SYNE1: variants seen among roughly 807,000 people sequenced by gnomAD.
SYNE1 encodes nesprin-1.
Under a neutral mutation model 1,111.0 loss-of-function variants are expected in SYNE1, and 616 were observed. That is an observed-to-expected ratio of 0.55 (90% confidence interval 0.52 to 0.59). The LOEUF (loss-of-function observed/expected upper bound fraction) is 0.59, where lower values mean the gene tolerates loss of function less well. SYNE1 is among the 20% of genes least tolerant of loss of function. SYNE1 has a pLI of 0.00. For missense variants in SYNE1, 10,006 were observed against 10,417.0 expected (o/e 0.96, Z 1.72); for synonymous variants, 3,855 against 3,825.8 (o/e 1.01, Z -0.28).
intron 76 of SYNE1, among the ~76,000 whole-genome samples, chr6:152,334,800 C>A (rs1326445108): frequency 6.6e-6 from 1 of 152,136 alleles, no homozygotes; most frequent in Admixed American, 6.5e-5. Context: ...ACTAAGAATG[C>A]CTAACTTTCT....
At position 152,254,779 on chromosome 6, in the gene SYNE1, A is replaced by G. The variant is rs1172036048; in HGVS notation, c.19470+101T>C. The G allele has an allele frequency of 5.7e-6, 6 of 1,054,708 alleles. No homozygotes were observed. In the East Asian group the frequency reaches 1.5e-4, roughly 27 times the overall value. 65.3% of individuals were successfully genotyped at this position (1,054,708 alleles called of 1,614,324 possible). ...ACAATGCTCTTGTTCTTCATTACGC[A>G]TTTAGAAAAACAACAACCAGGTCTG... On this transcript the variant is annotated intron_variant, in intron 104 of 145. Transcript: ENST00000367255.
chr6:152,516,557 A>G (rs1408963586), intron 6 of SYNE1, among the ~76,000 whole-genome samples: 1 of 152,140 alleles, frequency 6.6e-6, no homozygotes, highest in Admixed American at 6.6e-5. Context: ...TGGGAGAATG[A>G]ATGACCTGAA....
intron 3 of SYNE1, among the ~76,000 whole-genome samples, chr6:152,596,270 G>GTTTT (rs35952199): frequency 3.4e-5 from 3 of 89,156 alleles, no homozygotes; most frequent in Non-Finnish European, 7.2e-5. Flanking sequence ...TTGTTTGTTT[G>GTTTT]TTTTTTTTTT....
At chr6:152,351,866 T>C (rs2096746930) in intron 70 of SYNE1, among the ~76,000 whole-genome samples, 161 bp downstream of exon 70, 1 of 152,190 alleles carries the variant, frequency 6.6e-6, no homozygotes, top group Admixed American at 6.5e-5. Context: ...TTTAACCCAA[T>C]AAATCTCCAT....
At chr6:152,367,695 T>C (rs894819450) in intron 61 of SYNE1, 2 of 372,162 alleles carry the variant, frequency 5.4e-6, no homozygotes, top group African/African-American at 2.1e-5. Context: ...AAGTAGTTTC[T>C]AGTTTTCACA....
At chr6:152,627,943 GTAT>G (rs963810739) in intron 3 of SYNE1, among the ~76,000 whole-genome samples, 1 of 144,892 alleles carries the variant, frequency 6.9e-6, no homozygotes, top group African/African-American at 2.6e-5. Context: ...ATTGTCACTG[GTAT>G]TATTGAACAA....
chr6:152,509,423 A>T (rs2099074273), intron 8 of SYNE1, among the ~76,000 whole-genome samples: 2 of 151,650 alleles, frequency 1.3e-5, no homozygotes, highest in African/African-American at 4.8e-5. Flanking sequence ...CGCCCAGCTA[A>T]TTTTTGTACT....
chr6:152,299,693 T>G (rs2095069315), intron 93 of SYNE1, among the ~76,000 whole-genome samples: 1 of 152,152 alleles, frequency 6.6e-6, no homozygotes, highest in South Asian at 2.1e-4. Flanking sequence ...GTTCCTTTTT[T>G]TTTTTAATGA....
intron 121 of SYNE1, among the ~76,000 whole-genome samples, chr6:152,216,848 G>A (rs1340784918): frequency 6.6e-6 from 1 of 152,122 alleles, no homozygotes. Flanking sequence ...AAGGTCAGGA[G>A]TTCGAGACCA....
chr6:152,280,009 G>T (rs971986322), intron 97 of SYNE1, among the ~76,000 whole-genome samples: 1 of 152,040 alleles, frequency 6.6e-6, no homozygotes, highest in Non-Finnish European at 1.5e-5. Context: ...AATCTATTCC[G>T]AATCATGTAA....
rs972318315 is a variant in SYNE1 at position 152,537,935 on chromosome 6, C to T, written c.129+2025G>A. 2.6e-5 allele frequency among the ~76,000 whole-genome samples: 4 copies of T among 152,098 alleles called. No individual in the cohort carries two copies. In the East Asian group the frequency reaches 5.8e-4, roughly 22 times the overall value. On this transcript the variant is annotated intron_variant, in intron 4 of 145. Transcript: ENST00000367255. The stretch of plus-strand genomic sequence containing the variant: ...ATATTTGGAAATGGTAAATTTAACT[C>T]ATAAACGGTTTGGTTGTCAGTTTAT...
rs189574432 is a variant in SYNE1 at position 152,442,985 on chromosome 6, C to T, written c.3838-740G>A. On this transcript the variant is annotated intron_variant, in intron 30 of 145. Coordinates refer to ENST00000367255, the MANE Select transcript of SYNE1 (RefSeq NM_182961.4). ...TAAATATTTATTTCCTAAGTATATT[C>T]GGAATGGTTAATTTGCTGAGATTTT... is the stretch of plus-strand genomic sequence containing the variant. 4.2e-3 allele frequency among the ~76,000 whole-genome samples: 642 copies of T among 152,136 alleles called. 1 individual carries two copies. The highest frequency in any genetic ancestry group is 7.3e-3 in the Non-Finnish European group (497 of 67,984).
At chr6:152,265,198 T>G (rs2092558596) in intron 100 of SYNE1, among the ~76,000 whole-genome samples, 1 of 124,394 alleles carries the variant, frequency 8.0e-6, no homozygotes, top group African/African-American at 3.1e-5. Flanking sequence ...GCAGCAAGAC[T>G]CTGTCTCAGA....
intron 98 of SYNE1, among the ~76,000 whole-genome samples, chr6:152,272,762 T>C (rs1001975146): frequency 3.3e-5 from 5 of 152,220 alleles, no homozygotes; most frequent in Non-Finnish European, 7.3e-5. Flanking sequence ...GCTTACAGAC[T>C]TAGGAAGGTA....
At chr6:152,359,543 AC>A in intron 64 of SYNE1, 85 bp from the exon 65 acceptor site, 4 of 1,559,708 alleles carry the variant, frequency 2.6e-6, no homozygotes, top group Non-Finnish European at 3.5e-6. Context: ...TTTTAATTGT[AC>A]AGTTGACAAG....
At chr6:152,344,681 C>A (rs1340359655) in intron 73 of SYNE1, among the ~76,000 whole-genome samples, 1 of 152,116 alleles carries the variant, frequency 6.6e-6, no homozygotes, top group Non-Finnish European at 1.5e-5. Flanking sequence ...GATGCTTCTG[C>A]AATAGAGATA....
chr6:152,369,313 A>C, intron 60 of SYNE1, 158 bp downstream of exon 60: 1 of 1,368,912 alleles, frequency 7.3e-7, no homozygotes, highest in South Asian at 1.3e-5. Flanking sequence ...CTTCCAAGGA[A>C]AGTCAGAAAA....
chr6:152,445,775 T>C (rs1222213427), intron 29 of SYNE1, among the ~76,000 whole-genome samples: 1 of 152,094 alleles, frequency 6.6e-6, no homozygotes, highest in Non-Finnish European at 1.5e-5. Context: ...TTAATTTAAA[T>C]ACTAAATGAA....
At chr6:152,171,860 A>T (rs913312706) in intron 130 of SYNE1, among the ~76,000 whole-genome samples, 1 of 152,232 alleles carries the variant, frequency 6.6e-6, no homozygotes, top group Non-Finnish European at 1.5e-5. Context: ...GCTAATAGCA[A>T]CAGAGACTAT....
Sources: allele counts gnomAD v4.1 joint callset (sites outside exome capture counted in the v4.1 genomes callset), GRCh38; gene constraint gnomAD v4.1.1; transcripts MANE v1.5; gene names NCBI Gene and HGNC (gene_info 2026-07-23, HGNC 2026-07-21).